Variants in COLEC12 observed in about 807,000 individuals in gnomAD.
COLEC12 encodes collectin subfamily member 12.
In COLEC12, 33 loss-of-function variants were observed where a neutral mutation model predicts 71.1. The ratio of observed to expected loss-of-function variants is 0.46; its 90% CI spans 0.35 to 0.62. The LOEUF is 0.62. Ranked by LOEUF, COLEC12 falls within the 20% of genes least tolerant of loss-of-function variation. COLEC12 has a pLI of 0.00. For missense variants in COLEC12, 765 were observed against 916.1 expected (o/e 0.84, Z 2.13); for synonymous variants, 350 against 353.0 (o/e 0.99, Z 0.10).
intron 5 of COLEC12, among the ~76,000 whole-genome samples, chr18:337,044 T>A (rs1205029922): frequency 6.6e-6 from 1 of 151,730 alleles, no homozygotes; most frequent in Non-Finnish European, 1.5e-5. Context: ...TAATTTTTAA[T>A]GTTTTTGTAG....
At chr18:413,913 C>G (rs913074830) in intron 2 of COLEC12, among the ~76,000 whole-genome samples, 2 of 152,200 alleles carry the variant, frequency 1.3e-5, no homozygotes, top group African/African-American at 4.8e-5. Flanking sequence ...TGGTTATATA[C>G]TCTATGATTC....
chr18:495,688 G>C (rs1425579633), intron 1 of COLEC12, among the ~76,000 whole-genome samples: 2 of 152,178 alleles, frequency 1.3e-5, no homozygotes, highest in African/African-American at 2.4e-5. Flanking sequence ...TGTCTACGTT[G>C]CTCACTCAGT....
chr18:494,000 G>A (rs544581053), intron 1 of COLEC12, among the ~76,000 whole-genome samples: 1 of 151,952 alleles, frequency 6.6e-6, no homozygotes, highest in South Asian at 2.1e-4. Context: ...AAAAAAAACA[G>A]TGCTCCTAGG....
At chr18:396,406 TAAC>T (rs1330020826) in intron 2 of COLEC12, among the ~76,000 whole-genome samples, 1 of 152,236 alleles carries the variant, frequency 6.6e-6, no homozygotes, top group Non-Finnish European at 1.5e-5. Context: ...GTGGCTTCTC[TAAC>T]AACACCGAAT....
chr18:464,348 T>C (rs769899637), intron 2 of COLEC12, among the ~76,000 whole-genome samples: 7 of 152,140 alleles, frequency 4.6e-5, no homozygotes, highest in Non-Finnish European at 1.0e-4. Context: ...CAGAGCTGGG[T>C]GTATGTATAT....
intron 2 of COLEC12, among the ~76,000 whole-genome samples, chr18:441,006 T>C (rs1055378189): frequency 1.3e-4 from 20 of 151,886 alleles, no homozygotes; most frequent in African/African-American, 2.2e-4. Context: ...CCCAGCACTT[T>C]GGGAGGCCGA....
intron 8 of COLEC12, among the ~76,000 whole-genome samples, chr18:323,006 C>G (rs1265234393): frequency 6.6e-6 from 1 of 152,200 alleles, no homozygotes; most frequent in African/African-American, 2.4e-5. Flanking sequence ...AGATGGATCA[C>G]CTGAGGTCAG....
rs540971913 is a variant in COLEC12, at chr18:455,799, C to T, written c.58+24908G>A. 2.6e-5 allele frequency among the ~76,000 whole-genome samples: 4 copies of T among 152,252 alleles called. No homozygotes were observed. In the South Asian group the frequency reaches 6.2e-4, roughly 24 times the overall value. ...TGCTGAGAATGATGGCTTCCAGCTT[C>T]GTCCATGTCCCTGCAAAGACATGAT... On this transcript the variant is annotated intron_variant, in intron 2 of 9. Coordinates refer to ENST00000400256, the MANE Select transcript of COLEC12 (RefSeq NM_130386.3).
intron 2 of COLEC12, among the ~76,000 whole-genome samples, chr18:375,935 T>G (rs796364084): frequency 4.6e-5 from 7 of 152,300 alleles, no homozygotes; most frequent in African/African-American, 1.7e-4. Context: ...TAATTTTGAT[T>G]TTGTTTTAAA....
intron 2 of COLEC12, among the ~76,000 whole-genome samples, chr18:396,813 T>C (rs1915581539): frequency 6.6e-6 from 1 of 152,254 alleles, no homozygotes; most frequent in Non-Finnish European, 1.5e-5. Context: ...TTTGTTTGCC[T>C]TAACTGGGAA....
At chr18:473,615 G>A (rs1226692581) in intron 2 of COLEC12, among the ~76,000 whole-genome samples, 5 of 152,118 alleles carry the variant, frequency 3.3e-5, no homozygotes, top group South Asian at 2.1e-4. Context: ...CACCCGCCTC[G>A]GCCTCCCAAA....
chr18:362,072 T>C lies in COLEC12; in HGVS notation c.59-4550A>G, dbSNP rs1285508094. Among the ~76,000 whole-genome samples the C allele has an allele frequency of 6.6e-6, 1 of 152,222 alleles. No individual in the cohort carries two copies. Among genetic ancestry groups the C allele is most frequent in the Non-Finnish European group, 1.5e-5 (1 of 68,036 alleles). ...AAGCAGGATCAGAAGCCACAGGTCC[T>C]GACTCCAGCACACTCATCTTTCCCT... On this transcript the variant is annotated intron_variant, in intron 2 of 9. Coordinates refer to ENST00000400256, the MANE Select transcript of COLEC12 (RefSeq NM_130386.3). The surrounding 1 kb of genome is among the most constrained non-coding windows in gnomAD (Gnocchi z 4.6).
chr18:324,266 T>C (rs1913783292), intron 8 of COLEC12, among the ~76,000 whole-genome samples: 1 of 152,236 alleles, frequency 6.6e-6, no homozygotes, highest in South Asian at 2.1e-4. Context: ...GTATATATTT[T>C]GGAGAAGAAT....
intron 2 of COLEC12, among the ~76,000 whole-genome samples, chr18:441,021 G>A (rs1226155506): frequency 2.0e-5 from 3 of 151,536 alleles, no homozygotes; most frequent in Non-Finnish European, 2.9e-5. Context: ...GGCCGAGGCG[G>A]GTGGATCACA....
chr18:372,930 T>C (rs951462672), intron 2 of COLEC12, among the ~76,000 whole-genome samples: 8 of 152,076 alleles, frequency 5.3e-5, no homozygotes, highest in African/African-American at 1.7e-4. Context: ...CTTCCCCCCA[T>C]CTTCAAAGGA....
intron 3 of COLEC12, among the ~76,000 whole-genome samples, chr18:349,505 C>T (rs61615520): frequency 0.075 from 11,464 of 152,220 alleles, 828 homozygotes; most frequent in African/African-American, 0.19. Context: ...AATGTGGTGT[C>T]GGAGCCCCCA....
rs1332527230 is a variant in COLEC12, at chr18:317,253, C to T, written c.*2792G>A. The T allele has an allele frequency of 6.6e-6, 1 of 152,038 alleles. No homozygotes were observed. The highest frequency in any genetic ancestry group is 1.5e-5 in the Non-Finnish European group (1 of 67,996). 9.4% of individuals were successfully genotyped at this position (152,038 alleles called of 1,614,324 possible). ...AAACAAAAACAAACAAAAAAGAAAC[C>T]TGGTATGTAAGTAGCTAAATATAGA... On this transcript the variant is annotated 3_prime_UTR_variant, in exon 10 of 10. Transcript: ENST00000400256.
At chr18:459,556 G>T (rs982326090) in intron 2 of COLEC12, among the ~76,000 whole-genome samples, 1 of 152,178 alleles carries the variant, frequency 6.6e-6, no homozygotes, top group African/African-American at 2.4e-5. Context: ...GACCATTTTT[G>T]TCTACCCTAA....
At chr18:400,338 T>C (rs1048888591) in intron 2 of COLEC12, among the ~76,000 whole-genome samples, 1 of 152,132 alleles carries the variant, frequency 6.6e-6, no homozygotes, top group African/African-American at 2.4e-5. Flanking sequence ...ACCAGTAATA[T>C]ATACTTAAAC....
Sources: gnomAD v4.1 joint callset for allele counts (sites outside exome capture counted in the v4.1 genomes callset) on GRCh38, gnomAD v4.1.1 for gene constraint, Gnocchi (gnomAD v3.1) non-coding constraint, MANE v1.5 for transcripts, NCBI Gene and HGNC (gene_info 2026-07-23, HGNC 2026-07-21) for gene names.